Variants in ROPN1L observed in about 807,000 individuals in gnomAD.
ROPN1L encodes the protein ropporin-1-like protein.
A neutral mutation model predicts 22.7 loss-of-function variants in ROPN1L; 23 were observed. That is an observed-to-expected ratio of 1.01 (90% CI 0.73 to 1.43). ROPN1L has a LOEUF of 1.43. Ranked by LOEUF, ROPN1L falls within the 40% of genes most tolerant of loss-of-function variation. The pLI is 0.00. For synonymous variants in ROPN1L, 116 were observed against 117.8 expected, an observed-to-expected ratio of 0.98 and a Z score of 0.10; for missense variants, 271 against 291.5, an observed-to-expected ratio of 0.93 and a Z score of 0.51.
chr5:10,477,133 C>T, the ROPN1L span, among the ~76,000 whole-genome samples: 3 of 152,210 alleles, frequency 2.0e-5, no homozygotes, highest in African/African-American at 7.2e-5. Flanking sequence ...TCATAGAATT[C>T]CACATCACAA....
At chr5:10,476,785 T>C (rs961356864), downstream of ROPN1L, among the ~76,000 whole-genome samples, 7 of 152,254 alleles carry the variant, frequency 4.6e-5, no homozygotes, top group Admixed American at 1.3e-4. Context: ...TTAAAAATAA[T>C]AATGTATCTA....
At chr5:10,463,184 C>T (rs1308557641) in intron 4 of ROPN1L, among the ~76,000 whole-genome samples, 4 of 152,296 alleles carry the variant, frequency 2.6e-5, no homozygotes, top group Admixed American at 6.5e-5. Context: ...TTGGAGCTAA[C>T]GTTGGAATAT....
At position 10,461,241 on chromosome 5, in the gene ROPN1L, G is replaced by A. The variant is rs775309425; in HGVS notation, c.475G>A (p.Gly159Arg). The A allele has an allele frequency of 1.9e-5, 30 of 1,614,106 alleles. No homozygotes were observed. Among genetic ancestry groups the A allele is most frequent in the South Asian group, 5.5e-5 (5 of 91,078 alleles). ...CEILTDDPEG[G>R]PARIPFKTFS... The stretch of plus-strand genomic sequence containing the variant: ...GATCCTCACGGACGATCCGGAGGGC[G>A]GGCCCGCTCGCATCCCCTTCAAGAC... The change falls in exon 4 of 5, where the codon GGG becomes AGG. Residue 159 changes from glycine to arginine, a missense_variant. By Grantham distance (125) the Gly-to-Arg change is moderately radical (BLOSUM62 -2). Transcript: ENST00000274134.
chr5:10,462,801 C>T (rs1337849761), intron 4 of ROPN1L, among the ~76,000 whole-genome samples: 2 of 152,162 alleles, frequency 1.3e-5, no homozygotes, highest in Non-Finnish European at 2.9e-5. Context: ...GCAAGAGAAT[C>T]TCTTGAGCCC....
intron 1 of ROPN1L, among the ~76,000 whole-genome samples, chr5:10,444,319 T>C (rs1279132636): frequency 6.6e-6 from 1 of 152,126 alleles, no homozygotes; most frequent in African/African-American, 2.4e-5. Flanking sequence ...AGACGGAGTT[T>C]CACTCTTGTT....
the ROPN1L span, among the ~76,000 whole-genome samples, chr5:10,479,986 C>T: frequency 2.0e-5 from 3 of 152,148 alleles, no homozygotes; most frequent in Non-Finnish European, 2.9e-5. Flanking sequence ...TCAGGTGATC[C>T]GCCTGCCTCG....
chr5:10,469,624 G>T (rs1453751405), downstream of ROPN1L, among the ~76,000 whole-genome samples: 1 of 152,182 alleles, frequency 6.6e-6, no homozygotes, highest in Admixed American at 6.5e-5. Context: ...AGTGGACAGT[G>T]GTTTTATCTT....
intron 3 of ROPN1L, among the ~76,000 whole-genome samples, chr5:10,454,784 C>G (rs754864201): frequency 6.6e-6 from 1 of 152,178 alleles, no homozygotes; most frequent in African/African-American, 2.4e-5. Flanking sequence ...TGCACAGAGC[C>G]CTGCGTGTGT....
intron 3 of ROPN1L, among the ~76,000 whole-genome samples, chr5:10,455,588 G>C (rs985961921): frequency 6.6e-6 from 1 of 152,196 alleles, no homozygotes; most frequent in Non-Finnish European, 1.5e-5. Flanking sequence ...GCTGATGCGG[G>C]CCGCTGTGGC....
chr5:10,459,371 T>TGCCTTCCACCCTCCTCACCGGGTTCC (rs1286262869), intron 3 of ROPN1L, among the ~76,000 whole-genome samples: 1 of 147,884 alleles, frequency 6.8e-6, no homozygotes, highest in African/African-American at 2.6e-5. Flanking sequence ...CACTGGGTTC[T>TGCCTTCCACCCTCCTCACCGGGTTCC]TGCCTTCCAC....
chr5:10,465,295 T>A (rs558608394), downstream of ROPN1L, among the ~76,000 whole-genome samples: 127 of 151,574 alleles, frequency 8.4e-4, no homozygotes, highest in Admixed American at 2.2e-3. Context: ...GCGGGTGGAT[T>A]ACGAGGTCGG....
At chr5:10,468,972 G>T (rs564902490), downstream of ROPN1L, among the ~76,000 whole-genome samples, 2 of 152,098 alleles carry the variant, frequency 1.3e-5, no homozygotes, top group African/African-American at 4.8e-5. Flanking sequence ...TGGCTAACAC[G>T]GTGAAACCCC....
chr5:10,449,932 A>C lies in ROPN1L; in HGVS notation c.256-20A>C. 1.3e-6 allele frequency: 2 copies of C among 1,597,148 alleles called. No individual in the cohort carries two copies. The highest frequency in any genetic ancestry group is 2.2e-5 in the South Asian group (2 of 89,044). On this transcript the variant is annotated intron_variant, in intron 2 of 4. Transcript: ENST00000274134. ...GGTTTTAAAACATACATAAATTGTC[A>C]TGCTGTGTTTTCCAAACAGTGTCAC...
downstream of ROPN1L, among the ~76,000 whole-genome samples, chr5:10,475,855 A>G (rs1228895234): frequency 2.0e-5 from 3 of 152,244 alleles, no homozygotes; most frequent in Non-Finnish European, 2.9e-5. Context: ...AGCACGTAGA[A>G]GTTTATTTTC....
chr5:10,470,002 A>G (rs563296282), downstream of ROPN1L, among the ~76,000 whole-genome samples: 1 of 152,356 alleles, frequency 6.6e-6, no homozygotes, highest in African/African-American at 2.4e-5. Flanking sequence ...TCTAACTTAC[A>G]AATCGTTTTC....
intron 4 of ROPN1L, among the ~76,000 whole-genome samples, chr5:10,470,831 C>T (rs369181315): frequency 4.6e-5 from 7 of 152,372 alleles, no homozygotes; most frequent in African/African-American, 1.7e-4. Flanking sequence ...GGATAATATT[C>T]GGGCTTAGGT....
downstream of ROPN1L, chr5:10,472,153 T>C (rs899926021): frequency 2.0e-5 from 3 of 152,244 alleles, no homozygotes; most frequent in Non-Finnish European, 2.9e-5. Flanking sequence ...TGCCTGTGTC[T>C]CATTGTATAA....
At chr5:10,443,243 C>T (rs895330848) in intron 1 of ROPN1L, among the ~76,000 whole-genome samples, 1 of 152,142 alleles carries the variant, frequency 6.6e-6, no homozygotes, top group Non-Finnish European at 1.5e-5. Context: ...CCAAATTTTG[C>T]TGGCTTTAAA....
rs1561168618 is a variant in ROPN1L, at chr5:10,448,243, T to C, written c.132-17T>C. On this transcript the variant is annotated splice_polypyrimidine_tract_variant and intron_variant, in intron 1 of 4. Coordinates refer to ENST00000274134, the MANE Select transcript of ROPN1L (RefSeq NM_031916.5). ...TTGTGTATTGATGAGCTTTCAGAGA[T>C]GTCTGTTATTTATTAGCTATTTTTC... The C allele has an allele frequency of 1.9e-6, 3 of 1,613,670 alleles. No homozygotes were observed. Among genetic ancestry groups the C allele is most frequent in the Middle Eastern group, 1.7e-4 (1 of 6,060 alleles).
Sources: gnomAD v4.1 joint callset for allele counts (sites outside exome capture counted in the v4.1 genomes callset) on GRCh38, gnomAD v4.1.1 for gene constraint, MANE v1.5 for transcripts, NCBI Gene and HGNC (gene_info 2026-07-23, HGNC 2026-07-21) for gene names.